The following CEP63 variants were observed in gnomAD, a reference collection of about 807,000 sequenced individuals.
CEP63 encodes the protein centrosomal protein 63, also known as centrosomal protein of 63 kDa.
In CEP63, 84 loss-of-function variants were observed where a neutral mutation model predicts 89.1. The observed-to-expected ratio is 0.94, with a 90% confidence interval of 0.79 to 1.13. CEP63 has a LOEUF of 1.13. Among genes scored for constraint, CEP63 ranks in the 50% most tolerant of loss-of-function variants. CEP63 has a pLI of 0.00. For missense variants in CEP63, 838 were observed against 813.3 expected (o/e 1.03, Z -0.37); for synonymous variants, 267 against 272.5 (o/e 0.98, Z 0.20).
the CEP63 span, among the ~76,000 whole-genome samples, chr3:134,676,516 C>T: frequency 6.6e-6 from 1 of 152,174 alleles, no homozygotes; most frequent in Admixed American, 6.5e-5. Context: ...GTGATAGTTA[C>T]ACAAACTTGT....
the CEP63 span, among the ~76,000 whole-genome samples, chr3:134,732,057 A>C: frequency 1.3e-5 from 2 of 152,142 alleles, no homozygotes; most frequent in East Asian, 3.8e-4. Flanking sequence ...TAGTTGTGAC[A>C]ATGAGGGAAA....
intron 2 of CEP63, among the ~76,000 whole-genome samples, chr3:134,499,306 G>C (rs964118141): frequency 1.3e-5 from 2 of 152,094 alleles, no homozygotes; most frequent in Non-Finnish European, 2.9e-5. Context: ...TTAGCATATA[G>C]TTGTTTGTAA....
intron 10 of CEP63, among the ~76,000 whole-genome samples, chr3:134,584,956 G>GTTTTTTTTTTTTTTT (rs780691730): frequency 0.022 from 788 of 35,052 alleles, 59 homozygotes; most frequent in Non-Finnish European, 0.033. Context: ...ATTTTCTAGG[G>GTTTTTTTTTTTTTTT]TTTTTTTTTT....
chr3:134,741,987 A>AGTGT, the CEP63 span, among the ~76,000 whole-genome samples: 2,015 of 147,570 alleles, frequency 0.014, 29 homozygotes, highest in African/African-American at 0.041. Context: ...CTGAGAGACC[A>AGTGT]GTGTGTGTGT....
the CEP63 span, among the ~76,000 whole-genome samples, chr3:134,696,573 A>G: frequency 6.6e-6 from 1 of 152,206 alleles, no homozygotes; most frequent in Non-Finnish European, 1.5e-5. Flanking sequence ...TGGAATATTG[A>G]AGAAATGCAG....
downstream of CEP63, among the ~76,000 whole-genome samples, chr3:134,592,318 T>C (rs1958613479): frequency 6.6e-6 from 1 of 152,236 alleles, no homozygotes; most frequent in African/African-American, 2.4e-5. Flanking sequence ...TCACACACCA[T>C]CATTTCTGCG....
chr3:134,528,376 A>G (rs1029520536), intron 3 of CEP63, among the ~76,000 whole-genome samples: 4 of 152,082 alleles, frequency 2.6e-5, no homozygotes, highest in Non-Finnish European at 5.9e-5. Flanking sequence ...TTTGTCTTCA[A>G]TTTTTAAAAA....
downstream of CEP63, among the ~76,000 whole-genome samples, chr3:134,591,044 G>T (rs1958587220): frequency 6.6e-6 from 1 of 152,156 alleles, no homozygotes; most frequent in Non-Finnish European, 1.5e-5. Context: ...CCCTCACTGG[G>T]TGGAGCACTC....
chr3:134,565,135 C>T (rs1957695381), downstream of CEP63: 2 of 198,560 alleles, frequency 1.0e-5, no homozygotes, highest in African/African-American at 2.4e-5. Flanking sequence ...CTGGTGTTTA[C>T]AGATAATGTT....
chr3:134,486,847 A>G (rs1444106355), intron 1 of CEP63: 1 of 152,306 alleles, frequency 6.6e-6, no homozygotes, highest in African/African-American at 2.4e-5. Flanking sequence ...CTCCATGCAC[A>G]CAAATGAGGG....
chr3:134,572,740 G>A (rs1003739889), intron 11 of CEP63, among the ~76,000 whole-genome samples: 9 of 152,152 alleles, frequency 5.9e-5, no homozygotes, highest in Admixed American at 1.3e-4. Context: ...TCTTTTTGGT[G>A]GAATGATTTA....
At chr3:134,610,891 GGGTTGCT>G in the CEP63 span, among the ~76,000 whole-genome samples, 2 of 152,228 alleles carry the variant, frequency 1.3e-5, no homozygotes, top group Non-Finnish European at 2.9e-5. Flanking sequence ...AGGTGTTGTG[GGGTTGCT>G]GGTTGTGAGG....
chr3:134,663,042 G>T, the CEP63 span, among the ~76,000 whole-genome samples: 1 of 152,156 alleles, frequency 6.6e-6, no homozygotes, highest in Non-Finnish European at 1.5e-5. Context: ...CTCCTCTTGG[G>T]GATGGGGATG....
At chr3:134,498,859 T>G (rs1941041777) in intron 2 of CEP63, among the ~76,000 whole-genome samples, 1 of 152,232 alleles carries the variant, frequency 6.6e-6, no homozygotes, top group East Asian at 1.9e-4. Flanking sequence ...TTTATTGATT[T>G]GTATATGTTG....
chr3:134,491,323 G>T (rs1482177355), intron 1 of CEP63, among the ~76,000 whole-genome samples: 1 of 152,172 alleles, frequency 6.6e-6, no homozygotes, highest in Non-Finnish European at 1.5e-5. Context: ...TTATGAGCAA[G>T]GTTGAACATC....
intron 3 of CEP63, among the ~76,000 whole-genome samples, chr3:134,514,564 A>C (rs1452177240): frequency 6.6e-6 from 1 of 152,210 alleles, no homozygotes; most frequent in Admixed American, 6.5e-5. Flanking sequence ...CAAAGAAAAA[A>C]AAGATTATCT....
the CEP63 span, among the ~76,000 whole-genome samples, chr3:134,741,439 G>A: frequency 1.3e-5 from 2 of 152,032 alleles, no homozygotes; most frequent in Admixed American, 6.6e-5. Context: ...GTCCTCCCCC[G>A]GTCAGTCTCC....
the CEP63 span, among the ~76,000 whole-genome samples, chr3:134,594,731 A>T: frequency 6.6e-6 from 1 of 152,224 alleles, no homozygotes; most frequent in Non-Finnish European, 1.5e-5. Flanking sequence ...CATGTAAACA[A>T]CCCAGAGATC....
At chr3:134,622,467 A>G in the CEP63 span, among the ~76,000 whole-genome samples, 5 of 152,232 alleles carry the variant, frequency 3.3e-5, no homozygotes, top group African/African-American at 1.2e-4. Context: ...CAGACACAAA[A>G]GGACAAATAC....
Sources: gnomAD v4.1 joint callset for allele counts (sites outside exome capture counted in the v4.1 genomes callset) on GRCh38, gnomAD v4.1.1 for gene constraint, MANE v1.5 for transcripts, NCBI Gene and HGNC (gene_info 2026-07-23, HGNC 2026-07-21) for gene names.